Variants in FAT2 observed in about 807,000 individuals in gnomAD.
FAT2 encodes the protein protocadherin Fat 2.
Under a neutral mutation model 295.3 loss-of-function variants are expected in FAT2, and 150 were observed. That is an observed-to-expected ratio of 0.51 (90% CI 0.44 to 0.58). The LOEUF (loss-of-function observed/expected upper bound fraction) is 0.58. Ranked by LOEUF, FAT2 falls within the 20% of genes least tolerant of loss-of-function variation. The probability of loss-of-function intolerance (pLI) is 0.00; values close to 1 mark genes in which losing one functional copy is unlikely to be tolerated. For missense variants in FAT2, 4,868 were observed against 5,442.7 expected (o/e 0.89, Z 3.32); for synonymous variants, 2,026 against 2,150.3 (o/e 0.94, Z 1.60).
At chr5:151,549,993 C>T (rs897104633) in intron 8 of FAT2, among the ~76,000 whole-genome samples, 5 of 152,054 alleles carry the variant, frequency 3.3e-5, no homozygotes, top group African/African-American at 4.8e-5. Flanking sequence ...GGCCAGGCTC[C>T]GATTCTGGTT....
intron 12 of FAT2, 55 bp downstream of exon 12, chr5:151,537,738 A>G: frequency 6.5e-7 from 1 of 1,530,724 alleles, no homozygotes; most frequent in Non-Finnish European, 8.9e-7. Flanking sequence ...GGCACTGGGC[A>G]CTTGGTATTC....
chr5:151,527,416 G>A (rs769503845), intron 16 of FAT2, 39 bp from the exon 17 acceptor site: 20 of 1,544,424 alleles, frequency 1.3e-5, no homozygotes, highest in Admixed American at 9.6e-5. Flanking sequence ...CAATGAGGTA[G>A]CTGTCCCTCA....
In FAT2 at chr5:151,568,168, G is replaced by T. The variant is rs1477208576; in HGVS notation, c.764C>A (p.Ala255Asp). The stretch of plus-strand genomic sequence containing the variant: ...TGGAGTCACCACCACCGAAGCAATG[G>T]CTGGGGGCTTCCTGAGGGCAGGCTC... ...HVEPALRKPP[A>D]IASVVVTPPD... The change falls in exon 2 of 24, where the codon GCC (alanine) becomes GAC (aspartate). Residue 255 changes from alanine to aspartate, a missense_variant. Ala to Asp is a moderately radical substitution (Grantham distance 126, BLOSUM62 -2). Coordinates refer to ENST00000261800, the MANE Select transcript of FAT2 (RefSeq NM_001447.3). 1.2e-6 allele frequency: 2 copies of T among 1,614,124 alleles called. No individual in the cohort carries two copies. Among genetic ancestry groups the T allele is most frequent in the Admixed American group, 3.3e-5 (2 of 60,026 alleles).
Position 151,544,564 on chromosome 5 carries a change from G to T in FAT2, c.6563C>A (p.Thr2188Asn). The change falls in exon 10 of 24, where the codon ACC becomes AAC. Residue 2188 changes from threonine to asparagine, a missense_variant. Thr to Asn is a moderately conservative substitution (Grantham distance 65). This residue lies in a region of FAT2 where 3,297 missense variants were observed against 3,669.4 expected (regional missense o/e 0.90). Transcript: ENST00000261800. Reference sequence around the variant, plus strand: ...CCGGGCCTGGGTGTGGAGAATTGGGGTATAGAGGGTGATATTTTCAGGTAC... The same window carrying T: ...CCGGGCCTGGGTGTGGAGAATTGGGTTATAGAGGGTGATATTTTCAGGTAC... ...VRVPENITLY[T>N]PILHTQARSP... 6.2e-7 allele frequency: 1 copy of T among 1,614,076 alleles called. No homozygotes were observed. Among genetic ancestry groups the T allele is most frequent in the East Asian group, 2.2e-5 (1 of 44,880 alleles).
rs1163769517 is a variant in FAT2, at chr5:151,564,028, A to G, written c.3260-389T>C. Among the ~76,000 whole-genome samples, 3 of 152,242 alleles carry G rather than the reference A, an allele frequency of 2.0e-5. No homozygotes were observed. In the East Asian group the frequency reaches 5.8e-4, roughly 29 times the overall value. Reference sequence around the variant, plus strand: ...GTTGTCCTTAAACTGTTTCCTTCACACTTTATGTCCTGGTAGATAATCAAT... The same window carrying G: ...GTTGTCCTTAAACTGTTTCCTTCACGCTTTATGTCCTGGTAGATAATCAAT... On this transcript the variant is annotated intron_variant, in intron 2 of 23. Transcript: ENST00000261800.
In FAT2 at chr5:151,567,788, C is replaced by T. The variant is rs1430006057; in HGVS notation, c.1144G>A (p.Val382Met). The change falls in exon 2 of 24, where the codon GTG becomes ATG. Residue 382 changes from valine (V) to methionine (M), a missense_variant. Coordinates refer to ENST00000261800, the MANE Select transcript of FAT2 (RefSeq NM_001447.3). ...SEFSPPGSRVVMVRVTPAFPN... is the reference protein window; with the variant it reads ...SEFSPPGSRVMMVRVTPAFPN... ...AAGGCTGGGGTGACTCTCACCATCA[C>T]CACGCGGCTGCCAGGAGGGGAAAAC... 6.2e-7 allele frequency: 1 copy of T among 1,614,168 alleles called. No homozygotes were observed. Among genetic ancestry groups the T allele is most frequent in the South Asian group, 1.1e-5 (1 of 91,076 alleles).
chr5:151,529,429 T>C (rs1258362219), intron 14 of FAT2, 37 bp from the exon 15 acceptor site: 26 of 1,593,716 alleles, frequency 1.6e-5, no homozygotes, highest in Non-Finnish European at 2.0e-5. Flanking sequence ...AATGAGGCAG[T>C]TGGGCCCTCA....
intron 12 of FAT2, 147 bp downstream of exon 12, chr5:151,537,646 G>A: frequency 1.4e-6 from 1 of 719,092 alleles, no homozygotes; most frequent in East Asian, 2.7e-5. Context: ...TATGTCCCCA[G>A]TACAATGCTT....
At position 151,565,701 on chromosome 5, in the gene FAT2, G is replaced by C; in HGVS notation, c.3231C>G (p.Leu1077=). The change falls in exon 2 of 24, where the codon CTC becomes CTG. Residue 1077 remains leucine, a synonymous_variant. Coordinates refer to ENST00000261800, the MANE Select transcript of FAT2 (RefSeq NM_001447.3). ...LQYFLRAGTG[L]AAFSINQDTG... ...TATCTTGGTTGATGCTGAAGGCTGC[G>C]AGTCCAGTGCCAGCACGCAGGAAGT... 3 of 1,600,474 alleles carry C rather than the reference G, an allele frequency of 1.9e-6. No homozygotes were observed. The highest frequency in any genetic ancestry group is 1.7e-5 in the Admixed American group (1 of 59,386).
At chr5:151,540,505 C>T (rs2127601907) in intron 11 of FAT2, 62 bp downstream of exon 11, 1 of 1,486,706 alleles carries the variant, frequency 6.7e-7, no homozygotes, top group Non-Finnish European at 9.2e-7. Context: ...CTCTGTTCTC[C>T]CACCCCTCAC....
rs138459865 is a variant in FAT2, at chr5:151,534,970, A to AATATATATATATATATATATAT, written c.9194-350_9194-329dup. On this transcript the variant is annotated intron_variant, in intron 12 of 23. Transcript: ENST00000261800. ...TGGTTCGTAATTCCACTTCTAGGAA[A>AATATATATATATATATATATAT]ATATATATATATATATATATATATA... 9.0e-3 allele frequency among the ~76,000 whole-genome samples: 951 copies of AATATATATATATATATATATAT among 106,102 alleles called. 38 individuals carry two copies. Among genetic ancestry groups the AATATATATATATATATATATAT allele is most frequent in the Admixed American group, 0.014 (148 of 10,862 alleles). The allele number at this position is 106,102 out of a possible 152,430, so 69.6% of individuals were successfully genotyped here. A position where few individuals can be genotyped will look rare whatever the true frequency, so the allele number is the denominator to read the frequency against.
Position 151,512,080 on chromosome 5 carries a change from T to G in FAT2, c.11905+85A>C. On this transcript the variant is annotated intron_variant, in intron 21 of 23. Transcript: ENST00000261800. This position sits in a 1 kb window ranked among gnomAD's most constrained non-coding sequence, Gnocchi z 4.1. ...AGAGAAATTTGGAACCAGGAGGCTC[T>G]GAGATCTCCACCCTGACATGCTTTT... 2.0e-5 allele frequency: 26 copies of G among 1,333,302 alleles called. No homozygotes were observed. Among genetic ancestry groups the G allele is most frequent in the Non-Finnish European group, 2.5e-5 (24 of 969,906 alleles). 82.6% of individuals were successfully genotyped at this position (1,333,302 alleles called of 1,614,324 possible).
intron 19 of FAT2, among the ~76,000 whole-genome samples, chr5:151,518,259 G>A (rs1312750691): frequency 3.3e-5 from 5 of 151,838 alleles, no homozygotes; most frequent in Admixed American, 2.6e-4. Flanking sequence ...TGAGGCAGGA[G>A]TATCACTTGA....
Position 151,532,402 on chromosome 5 carries a change from CACACA to C in FAT2, c.9428-437_9428-433del, listed in dbSNP as rs1411852813. Among the ~76,000 whole-genome samples the C allele has an allele frequency of 3.9e-5, 6 of 152,044 alleles. No individual in the cohort carries two copies. The South Asian group carries it at 1.2e-3, about 32-fold the overall frequency. On this transcript the variant is annotated intron_variant, in intron 13 of 23. Transcript: ENST00000261800. The stretch of plus-strand genomic sequence containing the variant: ...GTGCGTGTACAAACACACACACACA[CACACA>C]CACACACACACGCAAATGAGTGCAT...
intron 19 of FAT2, among the ~76,000 whole-genome samples, chr5:151,518,825 C>T (rs1002419165): frequency 5.9e-5 from 9 of 152,198 alleles, no homozygotes; most frequent in Admixed American, 1.3e-4. Context: ...CTTTGGGAAG[C>T]ACTGCCCTCC....
At chr5:151,507,123 C>T in intron 23 of FAT2, 31 bp downstream of exon 23, 1 of 1,521,290 alleles carries the variant, frequency 6.6e-7, no homozygotes, top group Non-Finnish European at 8.8e-7. Context: ...TCCATCAATC[C>T]CAGAGGCTAA....
rs1218416370 is a variant in FAT2, at chr5:151,545,128, G to T, written c.5999C>A (p.Thr2000Asn). 2 of 1,614,192 alleles carry T rather than the reference G, an allele frequency of 1.2e-6. No homozygotes were observed. Among genetic ancestry groups the T allele is most frequent in the Admixed American group, 1.7e-5 (1 of 60,022 alleles). Residue 2000 changes from threonine to asparagine, a missense_variant, in exon 10 of 24, where the codon ACC (threonine) becomes AAC (asparagine). Thr to Asn is a moderately conservative substitution (Grantham distance 65). This residue lies in a region of FAT2 where 3,297 missense variants were observed against 3,669.4 expected (regional missense o/e 0.90). Coordinates refer to ENST00000261800, the MANE Select transcript of FAT2 (RefSeq NM_001447.3). Reference protein sequence around the residue: ...LGAQGNHLNDTLSYFLLNGTD... With the variant: ...LGAQGNHLNDNLSYFLLNGTD... ...GCCATTCAAGAGAAAGTAGGAAAGG[G>T]TGTCATTCAAATGATTGCCCTGGGC... is the stretch of plus-strand genomic sequence containing the variant.
intron 1 of FAT2, among the ~76,000 whole-genome samples, chr5:151,570,730 G>A (rs369862686): frequency 1.4e-4 from 22 of 152,272 alleles, no homozygotes; most frequent in African/African-American, 5.3e-4. Context: ...GAGCATTCTT[G>A]GATGAAACTG....
At chr5:151,576,751 T>A (rs1054391349) in intron 1 of FAT2, among the ~76,000 whole-genome samples, 1 of 152,194 alleles carries the variant, frequency 6.6e-6, no homozygotes, top group Admixed American at 6.5e-5. Flanking sequence ...TCTTAGCCAC[T>A]GAAATAATTT....
Sources: allele counts gnomAD v4.1 joint callset (sites outside exome capture counted in the v4.1 genomes callset), GRCh38; gene constraint gnomAD v4.1.1; regional missense constraint gnomAD v4.1.1; non-coding constraint Gnocchi (gnomAD v3.1); transcripts MANE v1.5; gene names NCBI Gene and HGNC (gene_info 2026-07-23, HGNC 2026-07-21).